The following SH3BGRL2 variants were observed in gnomAD, a reference collection of about 807,000 sequenced individuals.
SH3BGRL2 encodes SH3 domain-binding glutamic acid-rich-like protein 2.
SH3BGRL2 carries 21 observed loss-of-function variants against 14.8 expected under a neutral mutation model. That is an observed-to-expected ratio of 1.42 (90% confidence interval 1.01 to 2.05). The LOEUF (loss-of-function observed/expected upper bound fraction) is 2.05. SH3BGRL2 is among the 30% of genes most tolerant of loss of function. The pLI is 0.00. For synonymous variants in SH3BGRL2, 50 were observed against 47.8 expected, an observed-to-expected ratio of 1.05 and a Z score of -0.19; for missense variants, 147 against 130.8, an observed-to-expected ratio of 1.12 and a Z score of -0.61.
intron 1 of SH3BGRL2, among the ~76,000 whole-genome samples, chr6:79,637,209 A>G (rs1582712384): frequency 6.6e-6 from 1 of 152,294 alleles, no homozygotes; most frequent in South Asian, 2.1e-4. Context: ...AGTACATTTT[A>G]GTATTTCCCA....
the SH3BGRL2 span, among the ~76,000 whole-genome samples, chr6:79,597,317 GAGAA>G: frequency 9.8e-4 from 142 of 144,714 alleles, 1 homozygote; most frequent in East Asian, 0.022. Context: ...AAGAAAGAAA[GAGAA>G]AAGAAAAGAA....
At chr6:79,598,450 G>A in the SH3BGRL2 span, among the ~76,000 whole-genome samples, 2 of 152,298 alleles carry the variant, frequency 1.3e-5, no homozygotes, top group East Asian at 3.9e-4. Flanking sequence ...GTACTGGTAT[G>A]CACTAAAACA....
chr6:79,580,592 A>G, the SH3BGRL2 span, among the ~76,000 whole-genome samples: 15,909 of 152,238 alleles, frequency 0.1, 1,642 homozygotes, highest in East Asian at 0.56. Flanking sequence ...CTTTGAAAAC[A>G]AAGAGAACAA....
chr6:79,652,602 C>T (rs909801747), intron 1 of SH3BGRL2, among the ~76,000 whole-genome samples: 2 of 151,946 alleles, frequency 1.3e-5, no homozygotes, highest in African/African-American at 4.8e-5. Context: ...AGATCTCTCA[C>T]GGTGCCTGAC....
the SH3BGRL2 span, among the ~76,000 whole-genome samples, chr6:79,617,692 G>T: frequency 6.6e-6 from 1 of 152,200 alleles, no homozygotes; most frequent in Non-Finnish European, 1.5e-5. Context: ...TTGTTTGCTT[G>T]TGATGTTAGT....
intron 2 of SH3BGRL2, among the ~76,000 whole-genome samples, chr6:79,688,992 C>T (rs1770156335): frequency 6.6e-6 from 1 of 151,072 alleles, no homozygotes; most frequent in Non-Finnish European, 1.5e-5. Context: ...TGGTAAATAA[C>T]AGAATAGAAA....
chr6:79,688,246 T>C (rs1234288397), intron 2 of SH3BGRL2, among the ~76,000 whole-genome samples: 1 of 152,072 alleles, frequency 6.6e-6, no homozygotes, highest in Non-Finnish European at 1.5e-5. Context: ...CAGGTTGCTA[T>C]ATTCTTAAAA....
At chr6:79,692,690 A>G (rs1221213248) in intron 2 of SH3BGRL2, among the ~76,000 whole-genome samples, 8 of 151,920 alleles carry the variant, frequency 5.3e-5, no homozygotes, top group Non-Finnish European at 1.0e-4. Context: ...TATTTCTGAG[A>G]GCTCTGTTCT....
intron 1 of SH3BGRL2, among the ~76,000 whole-genome samples, chr6:79,648,304 TA>T (rs993020262): frequency 7.5e-6 from 1 of 133,072 alleles, no homozygotes; most frequent in Non-Finnish European, 1.6e-5. Context: ...TTATATATAA[TA>T]TATATATAAA....
At chr6:79,588,127 A>G in the SH3BGRL2 span, among the ~76,000 whole-genome samples, 1 of 152,054 alleles carries the variant, frequency 6.6e-6, no homozygotes, top group African/African-American at 2.4e-5. Flanking sequence ...CCCCATCTCT[A>G]CTAAAAATAC....
At chr6:79,558,501 A>G in the SH3BGRL2 span, among the ~76,000 whole-genome samples, 1 of 152,222 alleles carries the variant, frequency 6.6e-6, no homozygotes, top group Non-Finnish European at 1.5e-5. Flanking sequence ...AAACAACAGA[A>G]TACACTAACT....
At chr6:79,689,757 T>C (rs1341309233) in intron 2 of SH3BGRL2, among the ~76,000 whole-genome samples, 1 of 152,090 alleles carries the variant, frequency 6.6e-6, no homozygotes, top group African/African-American at 2.4e-5. Flanking sequence ...AAGATTAAGG[T>C]TTTTAATTAT....
chr6:79,551,837 C>T, the SH3BGRL2 span, among the ~76,000 whole-genome samples: 1 of 152,162 alleles, frequency 6.6e-6, no homozygotes, highest in African/African-American at 2.4e-5. Context: ...TGGCTTAAAT[C>T]CCAGCACTTT....
intron 1 of SH3BGRL2, among the ~76,000 whole-genome samples, chr6:79,635,908 TC>T (rs1768912677): frequency 6.6e-6 from 1 of 152,176 alleles, no homozygotes; most frequent in Non-Finnish European, 1.5e-5. Context: ...AGGTGTTACA[TC>T]CCCGTGAATG....
intron 1 of SH3BGRL2, among the ~76,000 whole-genome samples, chr6:79,654,836 C>T (rs1769372320): frequency 6.6e-6 from 1 of 152,128 alleles, no homozygotes. Flanking sequence ...TTTTATTCCT[C>T]TTCGGTGCAG....
the SH3BGRL2 span, among the ~76,000 whole-genome samples, chr6:79,624,872 G>C: frequency 1.3e-5 from 2 of 151,958 alleles, no homozygotes; most frequent in Non-Finnish European, 2.9e-5. Context: ...AATGTGAACT[G>C]ATTCAAGAAT....
chr6:79,664,110 C>A (rs1769609301), intron 1 of SH3BGRL2, among the ~76,000 whole-genome samples: 1 of 152,222 alleles, frequency 6.6e-6, no homozygotes, highest in Non-Finnish European at 1.5e-5. Context: ...ATCCCCCAAC[C>A]CCTGTCCTTC....
the SH3BGRL2 span, among the ~76,000 whole-genome samples, chr6:79,617,019 C>G: frequency 6.6e-6 from 1 of 152,004 alleles, no homozygotes; most frequent in African/African-American, 2.4e-5. Flanking sequence ...AACCTCATCT[C>G]TACTAAAAAT....
chr6:79,647,338 A>T (rs12204739), intron 1 of SH3BGRL2, among the ~76,000 whole-genome samples: 42,286 of 151,414 alleles, frequency 0.28, 6,386 homozygotes, highest in South Asian at 0.44. Context: ...CTTTTTTTTT[A>T]AAATCTCTTC....
Sources: gnomAD v4.1 joint callset for allele counts (sites outside exome capture counted in the v4.1 genomes callset) on GRCh38, gnomAD v4.1.1 for gene constraint, MANE v1.5 for transcripts, NCBI Gene and HGNC (gene_info 2026-07-23, HGNC 2026-07-21) for gene names.